The following TRA2B variants were observed in gnomAD, a reference collection of about 807,000 sequenced individuals.
TRA2B encodes transformer-2 protein homolog beta.
In TRA2B, 14 loss-of-function variants were observed where a neutral mutation model predicts 41.7. The observed-to-expected ratio is 0.34, with a 90% confidence interval of 0.22 to 0.53. The LOEUF (loss-of-function observed/expected upper bound fraction) is 0.53, where lower values mean the gene tolerates loss of function less well. Among genes scored for constraint, TRA2B ranks in the 20% least tolerant of loss-of-function variants. The probability of loss-of-function intolerance (pLI) is 0.95; values close to 1 mark genes in which losing one functional copy is unlikely to be tolerated. For missense variants in TRA2B, 167 were observed against 396.8 expected (o/e 0.42, Z 4.92); for synonymous variants, 130 against 128.8 (o/e 1.01, Z -0.06).
Position 185,916,033 on chromosome 3 carries a change from T to C in TRA2B, c.*1682A>G, listed in dbSNP as rs1163464266. 1 of 152,210 alleles carries C rather than the reference T, an allele frequency of 6.6e-6. No individual in the cohort carries two copies. Among genetic ancestry groups the C allele is most frequent in the African/African-American group, 2.4e-5 (1 of 41,448 alleles). 9.4% of individuals were successfully genotyped at this position (152,210 alleles called of 1,614,324 possible). On this transcript the variant is annotated 3_prime_UTR_variant, in exon 9 of 9. Coordinates refer to ENST00000453386, the MANE Select transcript of TRA2B (RefSeq NM_004593.3). ...AAAACTCATTGAGAACAATTTGAAA[T>C]AACCCATCAGGCATATACTAAGTTG... is the stretch of plus-strand genomic sequence containing the variant.
intron 7 of TRA2B, 110 bp downstream of exon 7, chr3:185,919,327 C>T: frequency 2.7e-6 from 2 of 749,178 alleles, no homozygotes; most frequent in Non-Finnish European, 4.3e-6. Flanking sequence ...GAGCTTCAAA[C>T]AGTCTGATTT....
Position 185,915,621 on chromosome 3 carries a change from T to C in TRA2B, c.*2094A>G, listed in dbSNP as rs16860324. Among the ~76,000 whole-genome samples, 12,811 of 152,244 alleles carry C rather than the reference T, an allele frequency of 0.084. 889 individuals are homozygous for C. Among genetic ancestry groups the C allele is most frequent in the South Asian group, 0.3 (1,440 of 4,820 alleles). ...GTCTTTTGCCTGTTAACACTCTTTGTAGCCATGTCAAATGGCTAAAATTCT... is the reference window on the plus strand; with the variant it reads ...GTCTTTTGCCTGTTAACACTCTTTGCAGCCATGTCAAATGGCTAAAATTCT... On this transcript the variant is annotated 3_prime_UTR_variant, in exon 9 of 9. Transcript: ENST00000453386.
At chr3:185,918,344 C>G in intron 8 of TRA2B, 21 bp downstream of exon 8, 1 of 1,562,536 alleles carries the variant, frequency 6.4e-7, no homozygotes, top group Non-Finnish European at 8.8e-7. Context: ...TATAAACAAT[C>G]ATATTAAGAT....
chr3:185,926,392 C>A (rs1429097539), intron 2 of TRA2B, among the ~76,000 whole-genome samples: 1 of 152,082 alleles, frequency 6.6e-6, no homozygotes, highest in African/African-American at 2.4e-5. Context: ...GTTAATCTGC[C>A]CAAACCAGCA....
At chr3:185,928,418 A>G (rs1024184571) in intron 1 of TRA2B, 1 of 152,198 alleles carries the variant, frequency 6.6e-6, no homozygotes. Context: ...AGATTAAAAG[A>G]AAAATATATG....
intron 8 of TRA2B, 126 bp from the exon 9 acceptor site, chr3:185,917,851 C>T: frequency 1.2e-6 from 1 of 862,274 alleles, no homozygotes; most frequent in Non-Finnish European, 1.9e-6. Context: ...CCACCACCCC[C>T]AAATAGAGAA....
chr3:185,925,453 T>C lies in TRA2B; in HGVS notation c.333+11A>G, dbSNP rs1743910785. ...GCAGTTGACTGCTTCAAAACCAGTT[T>C]TTCATCTTACCCGATTCCCAACATG... On this transcript the variant is annotated intron_variant, in intron 3 of 8. Transcript: ENST00000453386. The C allele has an allele frequency of 1.9e-6, 3 of 1,610,388 alleles. No homozygotes were observed. Among genetic ancestry groups the C allele is most frequent in the African/African-American group, 2.7e-5 (2 of 74,890 alleles).
At chr3:185,931,466 G>C in intron 1 of TRA2B, 1 of 770,304 alleles carries the variant, frequency 1.3e-6, no homozygotes, top group Non-Finnish European at 1.6e-6. Flanking sequence ...TAATTTAAAC[G>C]TTTCCCCTGG....
intron 1 of TRA2B, chr3:185,935,906 A>T (rs184202182): frequency 1.0e-6 from 1 of 985,358 alleles, no homozygotes. Context: ...AAGAAAAAAA[A>T]CTCAATTTTT....
At chr3:185,934,674 G>A (rs1054000037) in intron 1 of TRA2B, 2 of 985,098 alleles carry the variant, frequency 2.0e-6, no homozygotes, top group African/African-American at 3.5e-5. Context: ...ATTCAGAGAT[G>A]TTTCAGTTTT....
rs1392578659 is a variant in TRA2B, at chr3:185,917,176, TAC to T, written c.*537_*538del. ...AGATTTTTAGTTCTAATACTAGCAG[TAC>T]AGAGTTACAGAGCATAATTTTAAAC... is the stretch of plus-strand genomic sequence containing the variant. On this transcript the variant is annotated 3_prime_UTR_variant, in exon 9 of 9. Transcript: ENST00000453386. 3 of 152,712 alleles carry T rather than the reference TAC, an allele frequency of 2.0e-5. No individual in the cohort carries two copies. The highest frequency in any genetic ancestry group is 7.2e-5 in the African/African-American group (3 of 41,466). The allele number at this position is 152,712 out of a possible 1,614,324, so 9.5% of individuals were successfully genotyped here.
At chr3:185,931,821 C>A in intron 1 of TRA2B, 1 of 1,508,098 alleles carries the variant, frequency 6.6e-7, no homozygotes, top group Admixed American at 2.2e-5. Flanking sequence ...TGTCAAATGA[C>A]GACTTCCGCA....
intron 1 of TRA2B, among the ~76,000 whole-genome samples, chr3:185,933,569 AAAT>A (rs1744232237): frequency 6.6e-6 from 1 of 152,144 alleles, no homozygotes; most frequent in African/African-American, 2.4e-5. Context: ...AATATTTTAA[AAAT>A]TGGGAGGGAC....
Position 185,917,855 on chromosome 3 carries a change from T to G in TRA2B, c.857-130A>C, listed in dbSNP as rs927480757. On this transcript the variant is annotated intron_variant, in intron 8 of 8. Transcript: ENST00000453386. ...GTGCCAGAACCCCACCACCCCCAAA[T>G]AGAGAAAGACTTCCATGTAAGTATT... 9.8e-6 allele frequency: 8 copies of G among 817,712 alleles called. No homozygotes were observed. The African/African-American group carries it at 1.4e-4, about 14-fold the overall frequency. 50.7% of individuals were successfully genotyped at this position (817,712 alleles called of 1,614,324 possible). A position where few individuals can be genotyped will look rare whatever the true frequency, so the allele number is the denominator to read the frequency against.
chr3:185,930,060 G>A (rs1744092599), intron 1 of TRA2B, among the ~76,000 whole-genome samples: 2 of 152,110 alleles, frequency 1.3e-5, no homozygotes, highest in South Asian at 4.1e-4. Flanking sequence ...CTTTGGTCAA[G>A]GGGGAAAACA....
At chr3:185,918,752 T>A (rs1231191472) in intron 7 of TRA2B, among the ~76,000 whole-genome samples, 2 of 152,146 alleles carry the variant, frequency 1.3e-5, no homozygotes, top group Non-Finnish European at 2.9e-5. Flanking sequence ...TCAACGCCTA[T>A]AATCCCAGCA....
chr3:185,935,370 C>T (rs1030936066), intron 1 of TRA2B: 2 of 985,298 alleles, frequency 2.0e-6, no homozygotes, highest in Non-Finnish European at 2.4e-6. Context: ...ATCCCACAGA[C>T]CAACGAGGGA....
intron 6 of TRA2B, among the ~76,000 whole-genome samples, chr3:185,919,714 TAAAAA>T (rs543317376): frequency 1.4e-5 from 2 of 147,148 alleles, no homozygotes; most frequent in Non-Finnish European, 3.0e-5. Flanking sequence ...TAAATGCTCT[TAAAAA>T]AAAAAATCAA....
rs922102388 is a variant in TRA2B, at chr3:185,934,715, A to G, written c.36+3110T>C. 78 of 985,126 alleles carry G rather than the reference A, an allele frequency of 7.9e-5. No individual in the cohort carries two copies. In the African/African-American group the frequency reaches 1.3e-3, roughly 17 times the overall value. The allele number at this position is 985,126 out of a possible 1,614,324, so 61.0% of individuals were successfully genotyped here. A position where few individuals can be genotyped will look rare whatever the true frequency, so the allele number is the denominator to read the frequency against. The stretch of plus-strand genomic sequence containing the variant: ...TTAGAATTTAGAGTTTAGGAGCTAA[A>G]ACCAAGGAATATAAAAAGACATCCC... On this transcript the variant is annotated intron_variant, in intron 1 of 8. Transcript: ENST00000453386.
Sources: gnomAD v4.1 joint callset for allele counts (sites outside exome capture counted in the v4.1 genomes callset) on GRCh38, gnomAD v4.1.1 for gene constraint, MANE v1.5 for transcripts, NCBI Gene and HGNC (gene_info 2026-07-23, HGNC 2026-07-21) for gene names.